The following NR4A1 variants were observed in gnomAD, a reference collection of about 807,000 sequenced individuals.
NR4A1 encodes nuclear receptor subfamily 4immunitygroup A member 1.
In NR4A1, 24 loss-of-function variants were observed where a neutral mutation model predicts 47.5. The ratio of observed to expected loss-of-function variants is 0.50; its 90% CI spans 0.37 to 0.71. NR4A1 has a LOEUF of 0.71. NR4A1 is among the 30% of genes least tolerant of loss of function. NR4A1 has a pLI of 0.00. For synonymous variants in NR4A1, 353 were observed against 345.7 expected, an observed-to-expected ratio of 1.02 and a Z score of -0.24; for missense variants, 669 against 788.6, an observed-to-expected ratio of 0.85 and a Z score of 1.82.
upstream of NR4A1, among the ~76,000 whole-genome samples, chr12:52,048,339 A>G (rs1345170399): frequency 2.6e-5 from 4 of 151,844 alleles, no homozygotes; most frequent in Admixed American, 6.6e-5. Context: ...TCATGCCTGT[A>G]ATCCCAGCAC....
Position 52,059,327 on chromosome 12 carries a change from T to A in NR4A1, c.*383T>A, listed in dbSNP as rs192628927. ...GCCTTCCTGGGCAGCCTTTCCAGCCTCCTGCTGGCTCTCTCTTCCTACCCT... is the reference window on the plus strand; with the variant it reads ...GCCTTCCTGGGCAGCCTTTCCAGCCACCTGCTGGCTCTCTCTTCCTACCCT... On this transcript the variant is annotated 3_prime_UTR_variant, in exon 7 of 7. Coordinates refer to ENST00000394825, the MANE Select transcript of NR4A1 (RefSeq NM_173157.3). The A allele has an allele frequency of 1.7e-4, 33 of 191,778 alleles. No individual in the cohort carries two copies. In the East Asian group the frequency reaches 4.2e-3, roughly 24 times the overall value. The allele number at this position is 191,778 out of a possible 1,614,324, so 11.9% of individuals were successfully genotyped here.
Position 52,037,701 on chromosome 12 carries a change from A to G in NR4A1, c.-83-4109A>G, listed in dbSNP as rs1938288313. 3 of 985,430 alleles carry G rather than the reference A, an allele frequency of 3.0e-6. No individual in the cohort carries two copies. The South Asian group carries it at 1.4e-4, about 46-fold the overall frequency. The allele number at this position is 985,430 out of a possible 1,614,324, so 61.0% of individuals were successfully genotyped here. ...GGGGCGCTGGAGGTGGCCAGGCCAG[A>G]GAAATTCCTTCCATTTCTCCGCCGG... On this transcript the variant is annotated intron_variant, in intron 1 of 7. Transcript: ENST00000360284.
chr12:52,024,266 G>A (rs150173532), intron 1 of NR4A1, among the ~76,000 whole-genome samples: 61 of 152,374 alleles, frequency 4.0e-4, no homozygotes, highest in African/African-American at 1.3e-3. Context: ...GTCACCTCCA[G>A]AGATTATCAC....
intron 1 of NR4A1, among the ~76,000 whole-genome samples, chr12:52,025,863 G>A (rs776558412): frequency 3.3e-5 from 5 of 152,174 alleles, no homozygotes; most frequent in South Asian, 2.1e-4. Context: ...CTTGGGGGCC[G>A]CAGGGGATCC....
At chr12:52,056,446 C>A in intron 3 of NR4A1, 48 bp from the exon 4 acceptor site, 1 of 1,595,218 alleles carries the variant, frequency 6.3e-7, no homozygotes, top group Non-Finnish European at 8.5e-7. Context: ...GGCTGAGAGG[C>A]CCTTCCTCAG....
chr12:52,023,682 C>T (rs1349828092), intron 1 of NR4A1, among the ~76,000 whole-genome samples: 1 of 152,036 alleles, frequency 6.6e-6, no homozygotes, highest in Non-Finnish European at 1.5e-5. Flanking sequence ...CCTTCTGCCC[C>T]GGCCCAGCCC....
upstream of NR4A1, among the ~76,000 whole-genome samples, chr12:52,046,827 C>CA (rs368192777): frequency 0.016 from 2,441 of 152,146 alleles, 66 homozygotes; most frequent in African/African-American, 0.056. Context: ...ACTAAAAATA[C>CA]AAAAAATTAG....
At chr12:52,027,443 C>T (rs1938021289) in intron 1 of NR4A1, among the ~76,000 whole-genome samples, 1 of 152,232 alleles carries the variant, frequency 6.6e-6, no homozygotes, top group Non-Finnish European at 1.5e-5. Context: ...GTCCCTCTCC[C>T]AAGCCTGAGC....
chr12:52,051,440 G>A, upstream of NR4A1: 1 of 985,570 alleles, frequency 1.0e-6, no homozygotes, highest in Non-Finnish European at 1.2e-6. Context: ...GCTCGGCCGG[G>A]GAGTCCCAGT....
intron 2 of NR4A1, chr12:52,043,653 C>T (rs1259772751): frequency 1.7e-6 from 2 of 1,188,234 alleles, no homozygotes; most frequent in Non-Finnish European, 2.1e-6. Flanking sequence ...GTGGCTCCCC[C>T]CATCCCCAGA....
Position 52,055,987 on chromosome 12 carries a change from CCCCACACTCTGACAGCTTGTTCCGTGTTG to C in NR4A1, c.877-39_877-11del. The C allele has an allele frequency of 8.5e-7, 1 of 1,181,078 alleles. No homozygotes were observed. Among genetic ancestry groups the C allele is most frequent in the Non-Finnish European group, 1.1e-6 (1 of 883,916 alleles). 73.2% of individuals were successfully genotyped at this position (1,181,078 alleles called of 1,614,324 possible). The stretch of plus-strand genomic sequence containing the variant: ...CCTCCCCTAAGTTCCCCCCTCCCCA[CCCCACACTCTGACAGCTTGTTCCGTGTTG>C]CCCCCCCACCCAGCGCACAGTGCAG... On this transcript the variant is annotated splice_polypyrimidine_tract_variant and intron_variant, in intron 2 of 6. Coordinates refer to ENST00000394825, the MANE Select transcript of NR4A1 (RefSeq NM_173157.3).
chr12:52,056,311 C>T, intron 3 of NR4A1, 152 bp downstream of exon 3: 1 of 1,352,400 alleles, frequency 7.4e-7, no homozygotes, highest in Non-Finnish European at 1.0e-6. Flanking sequence ...AGGGAGGCAG[C>T]CTACACCTGC....
At chr12:52,047,482 G>A (rs926735739), upstream of NR4A1, among the ~76,000 whole-genome samples, 3 of 152,216 alleles carry the variant, frequency 2.0e-5, no homozygotes, top group Non-Finnish European at 4.4e-5. Context: ...TTCCACAGAG[G>A]GACTTTGCCT....
intron 1 of NR4A1, among the ~76,000 whole-genome samples, chr12:52,030,881 C>G (rs566153280): frequency 6.6e-6 from 1 of 152,334 alleles, no homozygotes; most frequent in African/African-American, 2.4e-5. Context: ...CGCGCATCCC[C>G]AGCTCTGTCC....
chr12:52,059,107 G>A lies in NR4A1; in HGVS notation c.*163G>A. On this transcript the variant is annotated 3_prime_UTR_variant, in exon 7 of 7. Transcript: ENST00000394825. ...GTTTGCAGGGAGCTCAAGCCCTTGGGGAGGGGGATGCCTTCATGGGGGTGA... is the reference window on the plus strand; with the variant it reads ...GTTTGCAGGGAGCTCAAGCCCTTGGAGAGGGGGATGCCTTCATGGGGGTGA... 1.1e-6 allele frequency: 1 copy of A among 878,808 alleles called. No individual in the cohort carries two copies. The highest frequency in any genetic ancestry group is 1.7e-6 in the Non-Finnish European group (1 of 593,726). 54.4% of individuals were successfully genotyped at this position (878,808 alleles called of 1,614,324 possible).
At chr12:52,047,334 C>A (rs1242279811), upstream of NR4A1, among the ~76,000 whole-genome samples, 3 of 152,152 alleles carry the variant, frequency 2.0e-5, no homozygotes, top group Admixed American at 2.0e-4. Context: ...TAGCTGGACC[C>A]CACTCTCTCA....
At chr12:52,050,537 A>AT (rs754681919), upstream of NR4A1, among the ~76,000 whole-genome samples, 1 of 152,232 alleles carries the variant, frequency 6.6e-6, no homozygotes, top group Non-Finnish European at 1.5e-5. Flanking sequence ...CGGTTCTGAA[A>AT]TTCGGTAATT....
intron 1 of NR4A1, among the ~76,000 whole-genome samples, chr12:52,023,771 G>T (rs1393900912): frequency 6.6e-6 from 1 of 152,048 alleles, no homozygotes; most frequent in Non-Finnish European, 1.5e-5. Flanking sequence ...ACCCCAGCCT[G>T]CCGAGCCGCT....
In NR4A1 at chr12:52,054,326, G is replaced by C; in HGVS notation, c.-2-1G>C. 1 of 1,602,640 alleles carries C rather than the reference G, an allele frequency of 6.2e-7. No homozygotes were observed. Among genetic ancestry groups the C allele is most frequent in the Non-Finnish European group, 8.5e-7 (1 of 1,173,044 alleles). ...CTCCCTGGGGTCTCCTCTCTCTCCAGAGATGCCCTGTATCCAAGCCCAATA... is the reference window on the plus strand; with the variant it reads ...CTCCCTGGGGTCTCCTCTCTCTCCACAGATGCCCTGTATCCAAGCCCAATA... On this transcript the variant is annotated splice_acceptor_variant, in intron 1 of 6. Coordinates refer to ENST00000394825, the MANE Select transcript of NR4A1 (RefSeq NM_173157.3). LOFTEE classifies it low-confidence loss of function (5UTR_SPLICE).
Sources: gnomAD v4.1 joint callset for allele counts (sites outside exome capture counted in the v4.1 genomes callset) on GRCh38, gnomAD v4.1.1 for gene constraint, MANE v1.5 for transcripts, NCBI Gene and HGNC (gene_info 2026-07-23, HGNC 2026-07-21) for gene names.